TRIO: variants seen among roughly 807,000 people sequenced by gnomAD.
TRIO encodes trio Rho guanine nucleotide exchange factor.
TRIO carries 58 observed loss-of-function variants against 351.9 expected under a neutral mutation model. The ratio of observed to expected loss-of-function variants is 0.16; its 90% confidence interval spans 0.13 to 0.21. The LOEUF is 0.21. TRIO is among the 10% of genes least tolerant of loss of function. The pLI, the probability that TRIO is intolerant of heterozygous loss-of-function variation, is 1.00. For synonymous variants in TRIO, 1,758 were observed against 1,595.7 expected (o/e 1.10, Z -2.42); for missense variants, 3,201 against 4,027.8 (o/e 0.79, Z 5.56).
intron 1 of TRIO, among the ~76,000 whole-genome samples, chr5:14,219,520 G>A (rs748290117): frequency 6.6e-6 from 1 of 152,186 alleles, no homozygotes; most frequent in African/African-American, 2.4e-5. Context: ...GTTTCTGGCC[G>A]GAGTCATAGG....
chr5:14,373,636 A>G (rs569158532), intron 18 of TRIO, among the ~76,000 whole-genome samples: 6 of 152,360 alleles, frequency 3.9e-5, no homozygotes, highest in African/African-American at 1.4e-4. Flanking sequence ...ACATATTGTC[A>G]GTTACCATAA....
chr5:14,254,312 T>G (rs914362164), intron 1 of TRIO, among the ~76,000 whole-genome samples: 1 of 151,886 alleles, frequency 6.6e-6, no homozygotes, highest in Non-Finnish European at 1.5e-5. Flanking sequence ...ACCTCCCAAG[T>G]AGCTGGGATT....
At chr5:14,274,788 C>T (rs1735354596) in intron 2 of TRIO, among the ~76,000 whole-genome samples, 1 of 152,168 alleles carries the variant, frequency 6.6e-6, no homozygotes, top group African/African-American at 2.4e-5. Context: ...TGATTCATTA[C>T]ACATTTTCTC....
intron 1 of TRIO, among the ~76,000 whole-genome samples, chr5:14,177,587 C>A (rs975234595): frequency 5.9e-5 from 9 of 152,062 alleles, no homozygotes; most frequent in African/African-American, 1.2e-4. Flanking sequence ...ACAACAACAA[C>A]AAAAAAAGCT....
intron 1 of TRIO, among the ~76,000 whole-genome samples, chr5:14,207,318 T>TCTA (rs1554033391): frequency 7.2e-4 from 8 of 11,062 alleles, no homozygotes; most frequent in Admixed American, 1.0e-3. Context: ...AGACTGTCTC[T>TCTA]CACACACACA....
At chr5:14,409,378 C>CAAAAA (rs533985839) in intron 33 of TRIO, among the ~76,000 whole-genome samples, 2 of 83,992 alleles carry the variant, frequency 2.4e-5, no homozygotes. Flanking sequence ...ATAGGTTTGC[C>CAAAAA]AAAAAAAAAA....
intron 21 of TRIO, among the ~76,000 whole-genome samples, chr5:14,385,179 C>T (rs1460197875): frequency 1.3e-5 from 2 of 152,208 alleles, no homozygotes; most frequent in Non-Finnish European, 2.9e-5. Flanking sequence ...CCTGCCCCCT[C>T]GCACTCCTGC....
rs148325417 is a variant in TRIO at position 14,242,142 on chromosome 5, C to A, written c.158-28683C>A. ...TAACTTATCCAAGGCCACATACCTG[C>A]CAAGTGGCAGAGACAGGCCTGGAAT... On this transcript the variant is annotated intron_variant, in intron 1 of 56. Coordinates refer to ENST00000344204, the MANE Select transcript of TRIO (RefSeq NM_007118.4). 3.3e-3 allele frequency among the ~76,000 whole-genome samples: 504 copies of A among 152,322 alleles called. 19 individuals are homozygous for A. The East Asian group carries it at 0.075, about 23-fold the overall frequency.
At chr5:14,488,560 C>T (rs887418551) in intron 48 of TRIO, 14 of 516,248 alleles carry the variant, frequency 2.7e-5, no homozygotes, top group African/African-American at 1.3e-4. Flanking sequence ...TCTTTTTTAA[C>T]CTCTGCCTTC....
intron 33 of TRIO, among the ~76,000 whole-genome samples, chr5:14,408,547 G>T (rs1029046521): frequency 6.6e-6 from 1 of 152,162 alleles, no homozygotes; most frequent in Non-Finnish European, 1.5e-5. Flanking sequence ...TTCTCTCCGA[G>T]ACCCCACCTA....
rs920506942 is a variant in TRIO at position 14,400,960 on chromosome 5, C to T, written c.4615-3C>T. On this transcript the variant is annotated splice_polypyrimidine_tract_variant and splice_region_variant and intron_variant, in intron 30 of 56. Coordinates refer to ENST00000344204, the MANE Select transcript of TRIO (RefSeq NM_007118.4). ...CTAATTATATAATTGTCTTTTTATC[C>T]AGACCTCAGAGTTGGGTGTCACAGA... The T allele has an allele frequency of 1.9e-6, 3 of 1,613,218 alleles. No individual in the cohort carries two copies. Among genetic ancestry groups the T allele is most frequent in the Admixed American group, 1.7e-5 (1 of 59,862 alleles).
Position 14,509,615 on chromosome 5 carries a change from T to C in TRIO, c.*1193T>C. 3.0e-6 allele frequency: 1 copy of C among 328,528 alleles called. No individual in the cohort carries two copies. Among genetic ancestry groups the C allele is most frequent in the Non-Finnish European group, 5.9e-6 (1 of 168,544 alleles). The allele number at this position is 328,528 out of a possible 1,614,324, so 20.4% of individuals were successfully genotyped here. On this transcript the variant is annotated 3_prime_UTR_variant, in exon 57 of 57. Transcript: ENST00000344204. ...TGGACATTTACTACTTTTTAGACTTTTTGACGTTGAACTTTCTGTATAAAA... is the reference window on the plus strand; with the variant it reads ...TGGACATTTACTACTTTTTAGACTTCTTGACGTTGAACTTTCTGTATAAAA...
chr5:14,372,161 T>C (rs1311689482), intron 18 of TRIO, among the ~76,000 whole-genome samples: 4 of 148,446 alleles, frequency 2.7e-5, no homozygotes, highest in Non-Finnish European at 4.5e-5. Flanking sequence ...ATCCACAATT[T>C]GTAGATTTTT....
chr5:14,377,823 A>G (rs561909701), intron 19 of TRIO, among the ~76,000 whole-genome samples, 189 bp from the exon 20 acceptor site: 3 of 152,332 alleles, frequency 2.0e-5, no homozygotes, highest in Non-Finnish European at 2.9e-5. Flanking sequence ...AAGATGGTCA[A>G]ATGGAGGTGA....
chr5:14,269,977 G>A (rs761477425), intron 1 of TRIO, among the ~76,000 whole-genome samples: 1 of 152,186 alleles, frequency 6.6e-6, no homozygotes, highest in Non-Finnish European at 1.5e-5. Context: ...AGAGATCGCC[G>A]AGAGAAATAT....
At chr5:14,229,285 A>G (rs1793251905) in intron 1 of TRIO, among the ~76,000 whole-genome samples, 1 of 152,190 alleles carries the variant, frequency 6.6e-6, no homozygotes, top group South Asian at 2.1e-4. Context: ...TGAGCTCTGC[A>G]GTTGTAGTGG....
intron 38 of TRIO, among the ~76,000 whole-genome samples, chr5:14,471,679 T>A (rs1055403546): frequency 1.3e-5 from 2 of 152,224 alleles, no homozygotes; most frequent in African/African-American, 4.8e-5. Flanking sequence ...TATATGATAC[T>A]TCATAAGTAA....
chr5:14,488,991 T>A (rs775936282), intron 48 of TRIO: 107 of 765,000 alleles, frequency 1.4e-4, no homozygotes, highest in Non-Finnish European at 2.4e-4. Flanking sequence ...TCCCTCTGTT[T>A]CCTGCTTCCT....
chr5:14,454,929 G>C (rs931961773), intron 34 of TRIO, among the ~76,000 whole-genome samples: 3 of 152,168 alleles, frequency 2.0e-5, no homozygotes, highest in African/African-American at 7.2e-5. Flanking sequence ...CTTCAGGAGT[G>C]AAGCTGCAGA....
Sources: gnomAD v4.1 joint callset for allele counts (sites outside exome capture counted in the v4.1 genomes callset) on GRCh38, gnomAD v4.1.1 for gene constraint, MANE v1.5 for transcripts, NCBI Gene and HGNC (gene_info 2026-07-23, HGNC 2026-07-21) for gene names.